MAGI1: variants seen among roughly 807,000 people sequenced by gnomAD.
MAGI1 encodes the protein membrane associated guanylate kinase, WW and PDZ domain containing 1.
MAGI1 carries 58 observed loss-of-function variants against 139.9 expected under a neutral mutation model. The observed-to-expected ratio is 0.41, with a 90% CI of 0.34 to 0.52. MAGI1 has a LOEUF of 0.52. Among genes scored for constraint, MAGI1 ranks in the 20% least tolerant of loss-of-function variants. The pLI is 0.12. For missense variants in MAGI1, 1,874 were observed against 1,901.6 expected, an observed-to-expected ratio of 0.99 and a Z score of 0.27; for synonymous variants, 812 against 737.9, an observed-to-expected ratio of 1.10 and a Z score of -1.63.
chr3:65,596,579 C>T (rs78756105), intron 2 of MAGI1, among the ~76,000 whole-genome samples: 1,671 of 152,320 alleles, frequency 0.011, 29 homozygotes, highest in African/African-American at 0.038. Context: ...CAAATCCACT[C>T]CCTTTGTGTG....
intron 1 of MAGI1, among the ~76,000 whole-genome samples, chr3:65,811,709 A>C (rs2041246022): frequency 6.6e-6 from 1 of 152,050 alleles, no homozygotes; most frequent in Non-Finnish European, 1.5e-5. Context: ...AAAAAACAAG[A>C]AAAGCAGAGC....
intron 2 of MAGI1, among the ~76,000 whole-genome samples, chr3:65,503,637 T>G (rs886548775): frequency 6.6e-6 from 1 of 152,186 alleles, no homozygotes; most frequent in South Asian, 2.1e-4. Context: ...CCATCTTGCA[T>G]GGAAGAACAC....
At chr3:65,404,259 C>T (rs983025216) in intron 12 of MAGI1, among the ~76,000 whole-genome samples, 1 of 152,122 alleles carries the variant, frequency 6.6e-6, no homozygotes. Flanking sequence ...TAATTAATGG[C>T]CCCTTCATTG....
In MAGI1 at chr3:65,475,852, T is replaced by C. The variant is rs914179554; in HGVS notation, c.757+2740A>G. The stretch of plus-strand genomic sequence containing the variant: ...TCTTTTGTCTGCACAGTCCCAACGT[T>C]ACTTAGGCGTCTTAGTGAGACATAC... On this transcript the variant is annotated intron_variant, in intron 4 of 22. Transcript: ENST00000402939. Among the ~76,000 whole-genome samples the C allele has an allele frequency of 1.2e-4, 19 of 152,028 alleles. 1 individual carries two copies. Among genetic ancestry groups the C allele is most frequent in the Non-Finnish European group, 5.9e-5 (4 of 68,004 alleles).
chr3:65,786,756 C>T (rs985908326), intron 1 of MAGI1, among the ~76,000 whole-genome samples: 10 of 151,914 alleles, frequency 6.6e-5, no homozygotes, highest in Admixed American at 2.0e-4. Context: ...GGACTACAGG[C>T]GCCCGCCACC....
intron 1 of MAGI1, among the ~76,000 whole-genome samples, chr3:65,938,593 ACAGGAC>A (rs2063170485): frequency 6.6e-6 from 1 of 151,994 alleles, no homozygotes; most frequent in East Asian, 1.9e-4. Flanking sequence ...CCGCACTGAG[ACAGGAC>A]AATTTAAAGC....
chr3:65,944,400 C>T (rs1463716599), intron 1 of MAGI1, among the ~76,000 whole-genome samples: 1 of 151,906 alleles, frequency 6.6e-6, no homozygotes, highest in African/African-American at 2.4e-5. Context: ...TGCCTGTAGT[C>T]CTAGCTGCTC....
intron 5 of MAGI1, among the ~76,000 whole-genome samples, chr3:65,468,675 C>A (rs1420527142): frequency 6.6e-6 from 1 of 152,070 alleles, no homozygotes; most frequent in Non-Finnish European, 1.5e-5. Context: ...CTGCACCCGG[C>A]TGTCAAAGAG....
chr3:65,618,957 T>C (rs2083517719), intron 2 of MAGI1, among the ~76,000 whole-genome samples: 2 of 152,170 alleles, frequency 1.3e-5, no homozygotes, highest in Admixed American at 6.5e-5. Flanking sequence ...TAGTGGTATT[T>C]TGAATGGTAA....
intron 4 of MAGI1, 111 bp downstream of exon 4, chr3:65,478,481 C>T (rs886902027): frequency 1.3e-5 from 13 of 1,014,508 alleles, no homozygotes; most frequent in South Asian, 4.2e-5. Flanking sequence ...TGAATTTTGG[C>T]GACTCTACAA....
chr3:65,538,445 A>C (rs2079057900), intron 2 of MAGI1, among the ~76,000 whole-genome samples: 1 of 152,188 alleles, frequency 6.6e-6, no homozygotes, highest in Admixed American at 6.5e-5. Flanking sequence ...CTGTCATCCA[A>C]AAACATTTTT....
chr3:65,652,952 A>G (rs2085668574), intron 1 of MAGI1, among the ~76,000 whole-genome samples: 1 of 152,118 alleles, frequency 6.6e-6, no homozygotes, highest in South Asian at 2.1e-4. Context: ...CAAAAATATG[A>G]CCACCTATTA....
rs763737873 is a variant in MAGI1, at chr3:65,439,943, C to T, written c.1206G>A (p.Gln402=). The change falls in exon 9 of 23, where the codon CAG becomes CAA. Residue 402 remains glutamine (Q), a synonymous_variant. Coordinates refer to ENST00000402939, the MANE Select transcript of MAGI1 (RefSeq NM_001033057.2). ...LEAKRKKQLE[Q]QQQQQQQQQQ... ...GCTGCTGCTGTTGCTGCTGCTGCTGCTGCTCAAGCTGCTTCTTCCGTTTGG... is the reference window on the plus strand; with the variant it reads ...GCTGCTGCTGTTGCTGCTGCTGCTGTTGCTCAAGCTGCTTCTTCCGTTTGG... The T allele has an allele frequency of 1.2e-6, 2 of 1,613,962 alleles. No individual in the cohort carries two copies. The highest frequency in any genetic ancestry group is 3.3e-5 in the Admixed American group (2 of 59,996).
At chr3:65,655,263 A>G (rs1288972598) in intron 1 of MAGI1, among the ~76,000 whole-genome samples, 1 of 152,170 alleles carries the variant, frequency 6.6e-6, no homozygotes, top group Non-Finnish European at 1.5e-5. Flanking sequence ...GTAGTCCCAG[A>G]TGGCATTGGA....
At chr3:65,630,657 T>C (rs994620082) in intron 1 of MAGI1, among the ~76,000 whole-genome samples, 3 of 152,118 alleles carry the variant, frequency 2.0e-5, no homozygotes, top group Admixed American at 2.0e-4. Context: ...GAAGCTAAGC[T>C]ATGAGGACAA....
At chr3:65,821,058 GTAGT>G (rs1331092281) in intron 1 of MAGI1, among the ~76,000 whole-genome samples, 1 of 151,950 alleles carries the variant, frequency 6.6e-6, no homozygotes, top group Admixed American at 6.6e-5. Flanking sequence ...AAGGGTGGTG[GTAGT>G]TAAAGTAAAT....
At chr3:65,815,439 C>T (rs937017678) in intron 1 of MAGI1, among the ~76,000 whole-genome samples, 2 of 152,104 alleles carry the variant, frequency 1.3e-5, no homozygotes, top group African/African-American at 4.8e-5. Flanking sequence ...TCTATAGATG[C>T]CTTCCTACGC....
At chr3:65,849,283 C>T (rs2059122074) in intron 1 of MAGI1, among the ~76,000 whole-genome samples, 2 of 151,302 alleles carry the variant, frequency 1.3e-5, no homozygotes, top group Admixed American at 6.6e-5. Context: ...CCTCAGTCTC[C>T]CAAAGTGCTA....
Position 65,745,583 on chromosome 3 carries a change from C to T in MAGI1, c.314-123495G>A, listed in dbSNP as rs2035632816. ...AAACCAGGCAGAACCAAATGTAATT[C>T]CTTACCTGAAAAACATAAACACATA... On this transcript the variant is annotated intron_variant, in intron 1 of 22. Coordinates refer to ENST00000402939, the MANE Select transcript of MAGI1 (RefSeq NM_001033057.2). Among the ~76,000 whole-genome samples the T allele has an allele frequency of 2.6e-5, 4 of 152,336 alleles. No homozygotes were observed. The South Asian group carries it at 8.3e-4, about 32-fold the overall frequency.
Sources: allele counts gnomAD v4.1 joint callset (sites outside exome capture counted in the v4.1 genomes callset), GRCh38; gene constraint gnomAD v4.1.1; transcripts MANE v1.5; gene names NCBI Gene and HGNC (gene_info 2026-07-23, HGNC 2026-07-21).